GUCA1C: variants seen among roughly 807,000 people sequenced by gnomAD.
GUCA1C encodes guanylate cyclase activator 1C.
In GUCA1C, 15 loss-of-function variants were observed where a neutral mutation model predicts 16.2. The observed-to-expected ratio is 0.93, with a 90% CI of 0.62 to 1.43. The LOEUF is 1.43. Ranked by LOEUF, GUCA1C falls within the 40% of genes most tolerant of loss-of-function variation. The pLI is 0.00. For missense variants in GUCA1C, 275 were observed against 244.8 expected (o/e 1.12, Z -0.82); for synonymous variants, 78 against 85.4 (o/e 0.91, Z 0.48).
chr3:108,935,263 G>T (rs1013541420), intron 1 of GUCA1C, among the ~76,000 whole-genome samples: 1 of 151,740 alleles, frequency 6.6e-6, no homozygotes, highest in African/African-American at 2.4e-5. Context: ...CTATCCGGAT[G>T]ATGGGATCAG....
rs1266287542 is a variant in GUCA1C, at chr3:108,916,294, A to G, written c.355-80T>C. 7.2e-6 allele frequency: 10 copies of G among 1,382,986 alleles called. No individual in the cohort carries two copies. The East Asian group carries it at 1.4e-4, about 19-fold the overall frequency. 85.7% of individuals were successfully genotyped at this position (1,382,986 alleles called of 1,614,324 possible). On this transcript the variant is annotated intron_variant, in intron 2 of 3. Transcript: ENST00000261047. Reference sequence around the variant, plus strand: ...TGCAACATTTCTGCTCCGATGTGACAGAATTTGGGGATGTGTTGTCGGTTG... The same window carrying G: ...TGCAACATTTCTGCTCCGATGTGACGGAATTTGGGGATGTGTTGTCGGTTG...
upstream of GUCA1C, chr3:108,953,940 C>A (rs2075766): frequency 3.3e-5 from 19 of 584,384 alleles, no homozygotes; most frequent in Non-Finnish European, 5.5e-5. Flanking sequence ...ACTTATCTGC[C>A]CAGTTTTAAA....
At chr3:108,915,399 T>C (rs961909627) in intron 3 of GUCA1C, among the ~76,000 whole-genome samples, 1 of 152,250 alleles carries the variant, frequency 6.6e-6, no homozygotes, top group African/African-American at 2.4e-5. Context: ...TTCCTAGATC[T>C]TCTGCCTCAA....
intron 1 of GUCA1C, among the ~76,000 whole-genome samples, chr3:108,952,120 A>T (rs1304091029): frequency 6.6e-6 from 1 of 152,232 alleles, no homozygotes; most frequent in Non-Finnish European, 1.5e-5. Flanking sequence ...CTAGAGCAAC[A>T]GACTTTCATC....
intron 3 of GUCA1C, among the ~76,000 whole-genome samples, chr3:108,914,640 T>C (rs927907941): frequency 6.6e-6 from 1 of 152,200 alleles, no homozygotes; most frequent in Non-Finnish European, 1.5e-5. Flanking sequence ...TTCTTCTACA[T>C]CAGTGCTTTC....
chr3:108,934,195 G>A (rs562316317), intron 1 of GUCA1C, among the ~76,000 whole-genome samples: 9 of 152,030 alleles, frequency 5.9e-5, no homozygotes, highest in Admixed American at 1.3e-4. Flanking sequence ...GTGGCAAGGG[G>A]AGGGAAAGCA....
chr3:108,953,488 GAA>G (rs11330501), intron 1 of GUCA1C, 69 bp downstream of exon 1: 20,784 of 840,824 alleles, frequency 0.025, 1 homozygote, highest in Middle Eastern at 0.048. Context: ...TATTTTACAG[GAA>G]AAAAAAAAAA....
chr3:108,941,472 C>T (rs758124435), intron 1 of GUCA1C, among the ~76,000 whole-genome samples: 2 of 152,154 alleles, frequency 1.3e-5, no homozygotes, highest in Non-Finnish European at 2.9e-5. Context: ...TCTTTGGAGT[C>T]CCAAAAGAGG....
chr3:108,946,691 C>G (rs1023796746), intron 1 of GUCA1C, among the ~76,000 whole-genome samples: 5 of 151,868 alleles, frequency 3.3e-5, no homozygotes, highest in African/African-American at 1.2e-4. Flanking sequence ...AGTTAGATGA[C>G]ACAAGAGGAC....
chr3:108,939,324 CTTTTTTTTTTTT>C (rs549981150), intron 1 of GUCA1C, among the ~76,000 whole-genome samples: 6 of 32,912 alleles, frequency 1.8e-4, no homozygotes, highest in South Asian at 1.0e-3. Flanking sequence ...TGCTTCAAGG[CTTTTTTTTTTTT>C]TTTTTTTTTT....
intron 1 of GUCA1C, among the ~76,000 whole-genome samples, chr3:108,942,351 G>A (rs766922768): frequency 1.6e-4 from 25 of 152,038 alleles, no homozygotes; most frequent in Non-Finnish European, 3.4e-4. Flanking sequence ...TAAGTCCATC[G>A]CTCAACCTCT....
At chr3:108,927,891 T>G (rs991551638) in intron 1 of GUCA1C, among the ~76,000 whole-genome samples, 2 of 152,200 alleles carry the variant, frequency 1.3e-5, no homozygotes, top group Non-Finnish European at 2.9e-5. Flanking sequence ...TCAGATTCTT[T>G]TGTCCCATGG....
intron 3 of GUCA1C, 129 bp downstream of exon 3, chr3:108,915,998 C>A: frequency 9.9e-7 from 1 of 1,006,060 alleles, no homozygotes; most frequent in East Asian, 2.5e-5. Context: ...TGGATTGGTC[C>A]CATTATGAAG....
chr3:108,910,718 C>T (rs898408919), intron 3 of GUCA1C, among the ~76,000 whole-genome samples: 1 of 151,356 alleles, frequency 6.6e-6, no homozygotes, highest in Non-Finnish European at 1.5e-5. Flanking sequence ...GGGGCTATCT[C>T]GGCTGACTGC....
In GUCA1C at chr3:108,920,432, T is replaced by C. The variant is rs751313873; in HGVS notation, c.354+4A>G. On this transcript the variant is annotated splice_donor_region_variant and intron_variant, in intron 2 of 3. Coordinates refer to ENST00000261047, the MANE Select transcript of GUCA1C (RefSeq NM_005459.4). ...TGAAAAGGATACTTTACTACTTCAC[T>C]TACCATGAACATGTCCAGTAGTTCA... The C allele has an allele frequency of 6.2e-7, 1 of 1,605,366 alleles. No individual in the cohort carries two copies. The highest frequency in any genetic ancestry group is 8.5e-7 in the Non-Finnish European group (1 of 1,172,572).
intron 1 of GUCA1C, among the ~76,000 whole-genome samples, chr3:108,932,329 A>AC (rs1559845178): frequency 1.7e-5 from 2 of 116,884 alleles, no homozygotes; most frequent in Non-Finnish European, 3.5e-5. Flanking sequence ...CCACCAAAAA[A>AC]AAAAAAAAAA....
At chr3:108,941,008 C>T (rs1946780758) in intron 1 of GUCA1C, among the ~76,000 whole-genome samples, 2 of 152,058 alleles carry the variant, frequency 1.3e-5, no homozygotes, top group South Asian at 4.1e-4. Flanking sequence ...TGCCTGCACT[C>T]TCCTGTTGCT....
chr3:108,915,297 T>A, intron 3 of GUCA1C, among the ~76,000 whole-genome samples: 1 of 152,250 alleles, frequency 6.6e-6, no homozygotes, highest in East Asian at 1.9e-4. Context: ...CAACTGTGAT[T>A]GGCATGCCAA....
intron 1 of GUCA1C, among the ~76,000 whole-genome samples, chr3:108,943,839 T>C (rs894232909): frequency 6.6e-6 from 1 of 152,168 alleles, no homozygotes; most frequent in Non-Finnish European, 1.5e-5. Context: ...TGCGTCCTCA[T>C]AGCTTAGCTC....
Sources: gnomAD v4.1 joint callset for allele counts (sites outside exome capture counted in the v4.1 genomes callset) on GRCh38, gnomAD v4.1.1 for gene constraint, MANE v1.5 for transcripts, NCBI Gene and HGNC (gene_info 2026-07-23, HGNC 2026-07-21) for gene names.